SLC6A11: variants seen among roughly 807,000 people sequenced by gnomAD.
SLC6A11 encodes the protein solute carrier family 6 member 11, also known as sodium- and chloride-dependent GABA transporter 3.
SLC6A11 carries 25 observed loss-of-function variants against 74.8 expected under a neutral mutation model. The ratio of observed to expected loss-of-function variants is 0.33; its 90% CI spans 0.24 to 0.47. The LOEUF (loss-of-function observed/expected upper bound fraction) is 0.47. Ranked by LOEUF, SLC6A11 falls within the 20% of genes least tolerant of loss-of-function variation. The pLI, the probability that SLC6A11 is intolerant of heterozygous loss-of-function variation, is 1.00. For missense variants in SLC6A11, 574 were observed against 837.0 expected (o/e 0.69, Z 3.88); for synonymous variants, 330 against 330.2 (o/e 1.00, Z 0.01).
In SLC6A11 at chr3:10,816,593, C is replaced by G; in HGVS notation, c.256+72C>G. 1.4e-6 allele frequency: 2 copies of G among 1,403,978 alleles called. No individual in the cohort carries two copies. The highest frequency in any genetic ancestry group is 1.9e-6 in the Non-Finnish European group (2 of 1,057,606). 87.0% of individuals were successfully genotyped at this position (1,403,978 alleles called of 1,614,324 possible). On this transcript the variant is annotated intron_variant, in intron 1 of 13. Transcript: ENST00000254488. The surrounding 1 kb of genome is among the most constrained non-coding windows in gnomAD (Gnocchi z 4.2). ...GGGGGCGGGGAGCCAGGGGCGAGCG[C>G]GAGACCCCCTCCCGCGCCTGCGTGG...
chr3:10,886,254 C>T (rs1172205441), intron 6 of SLC6A11, among the ~76,000 whole-genome samples: 11 of 152,214 alleles, frequency 7.2e-5, no homozygotes, highest in Admixed American at 7.2e-4. Flanking sequence ...CAGAGATCGA[C>T]TCCCTTGCTC....
chr3:10,918,875 T>C lies in SLC6A11; in HGVS notation c.1120+422T>C, dbSNP rs1312902227. On this transcript the variant is annotated intron_variant, in intron 8 of 13. Coordinates refer to ENST00000254488, the MANE Select transcript of SLC6A11 (RefSeq NM_014229.3). This position sits in a 1 kb window ranked among gnomAD's most constrained non-coding sequence, Gnocchi z 4.5. Reference sequence around the variant, plus strand: ...GCAAATTTGAACATGTCTTCTCTGATGAAAAGCCTTTCTTGGCTTCTCATA... The same window carrying C: ...GCAAATTTGAACATGTCTTCTCTGACGAAAAGCCTTTCTTGGCTTCTCATA... Among the ~76,000 whole-genome samples, 1 of 152,080 alleles carries C rather than the reference T, an allele frequency of 6.6e-6. No individual in the cohort carries two copies. Among genetic ancestry groups the C allele is most frequent in the African/African-American group, 2.4e-5 (1 of 41,398 alleles).
At chr3:10,913,767 C>T (rs376809170) in intron 7 of SLC6A11, among the ~76,000 whole-genome samples, 1 of 152,204 alleles carries the variant, frequency 6.6e-6, no homozygotes, top group Non-Finnish European at 1.5e-5. Context: ...GATCTCGGCT[C>T]ACTACAAGCT....
At chr3:10,894,286 T>C (rs934953921) in intron 6 of SLC6A11, among the ~76,000 whole-genome samples, 5 of 152,110 alleles carry the variant, frequency 3.3e-5, no homozygotes, top group Non-Finnish European at 7.4e-5. Context: ...GGAGAGGCAA[T>C]GTGAGCAGGT....
chr3:10,854,266 G>A (rs1481071402), intron 5 of SLC6A11, among the ~76,000 whole-genome samples: 3 of 152,176 alleles, frequency 2.0e-5, no homozygotes, highest in Non-Finnish European at 2.9e-5. Context: ...GTGCATGCCT[G>A]TAGTCCCAGC....
Position 10,935,196 on chromosome 3 carries a change from C to G in SLC6A11, c.1743C>G (p.Pro581=), listed in dbSNP as rs757407323. 7.4e-6 allele frequency: 12 copies of G among 1,613,928 alleles called. No homozygotes were observed. In the Admixed American group the frequency reaches 1.8e-4, roughly 25 times the overall value. ...TGTGGAAGACGGAGGGGACACTGCC[C>G]GAGGTGAGACCGCCCCAGGAGGGCT... ...ITVWKTEGTL[P]EKLQKLTTPS... Residue 581 remains proline (P), a synonymous_variant, in exon 13 of 14, where the codon CCC becomes CCG. Coordinates refer to ENST00000254488, the MANE Select transcript of SLC6A11 (RefSeq NM_014229.3).
intron 6 of SLC6A11, among the ~76,000 whole-genome samples, chr3:10,894,009 T>C (rs1417406458): frequency 1.3e-5 from 2 of 152,204 alleles, no homozygotes; most frequent in Admixed American, 6.5e-5. Flanking sequence ...TCCCTCACAG[T>C]GGCTTTGCCC....
At chr3:10,922,791 T>C (rs1353507116) in intron 8 of SLC6A11, among the ~76,000 whole-genome samples, 1 of 152,122 alleles carries the variant, frequency 6.6e-6, no homozygotes, top group Non-Finnish European at 1.5e-5. Context: ...ACTGTCACCA[T>C]GCTAAAGGGA....
rs1694436821 is a variant in SLC6A11, at chr3:10,841,474, CTAGT to C, written c.624-2737_624-2734del. Among the ~76,000 whole-genome samples, 6 of 152,290 alleles carry C rather than the reference CTAGT, an allele frequency of 3.9e-5. No individual in the cohort carries two copies. In the South Asian group the frequency reaches 1.2e-3, roughly 32 times the overall value. On this transcript the variant is annotated intron_variant, in intron 4 of 13. Transcript: ENST00000254488. ...TCCTTTGGAAACCAAAGGTCTGTTC[CTAGT>C]TAAAGTCAGCGTTGGTAAAACCTAA...
At chr3:10,869,322 G>C (rs995791017) in intron 5 of SLC6A11, among the ~76,000 whole-genome samples, 1 of 152,160 alleles carries the variant, frequency 6.6e-6, no homozygotes, top group African/African-American at 2.4e-5. Context: ...CAGACAGTGT[G>C]GTTTATGAGG....
At chr3:10,870,774 T>C (rs1037239191) in intron 5 of SLC6A11, among the ~76,000 whole-genome samples, 1 of 152,180 alleles carries the variant, frequency 6.6e-6, no homozygotes, top group African/African-American at 2.4e-5. Context: ...TAATGATGCC[T>C]CTAAGCCACC....
At chr3:10,845,761 T>G (rs2343246) in intron 5 of SLC6A11, among the ~76,000 whole-genome samples, 49,197 of 152,106 alleles carry the variant, frequency 0.32, 8,199 homozygotes, top group South Asian at 0.51. Context: ...TCATGTTCCT[T>G]CAGCCAAGGT....
intron 5 of SLC6A11, among the ~76,000 whole-genome samples, chr3:10,870,125 A>C (rs1327991206): frequency 6.6e-6 from 1 of 152,164 alleles, no homozygotes; most frequent in Non-Finnish European, 1.5e-5. Flanking sequence ...GCTCCAGCCC[A>C]TGTTCACAGA....
intron 5 of SLC6A11, among the ~76,000 whole-genome samples, chr3:10,868,217 C>T (rs1466198846): frequency 6.6e-6 from 1 of 152,142 alleles, no homozygotes; most frequent in Non-Finnish European, 1.5e-5. Flanking sequence ...TTTTGTGGTC[C>T]TAGGTTCTTG....
chr3:10,844,826 G>A (rs1694483087), intron 5 of SLC6A11, among the ~76,000 whole-genome samples: 1 of 152,182 alleles, frequency 6.6e-6, no homozygotes. Context: ...GCCTTGCTGT[G>A]CCACCTGTAC....
intron 7 of SLC6A11, among the ~76,000 whole-genome samples, chr3:10,916,275 G>A (rs1246538528): frequency 1.3e-5 from 2 of 152,198 alleles, no homozygotes; most frequent in Non-Finnish European, 2.9e-5. Context: ...ACTTATACCA[G>A]CCCAGCCAGC....
intron 5 of SLC6A11, among the ~76,000 whole-genome samples, chr3:10,846,988 A>G (rs986109092): frequency 6.6e-6 from 1 of 152,180 alleles, no homozygotes; most frequent in African/African-American, 2.4e-5. Flanking sequence ...TCTCTGGTAG[A>G]AGTGGTAGTG....
intron 7 of SLC6A11, among the ~76,000 whole-genome samples, chr3:10,913,580 G>A (rs557944061): frequency 5.3e-5 from 8 of 152,190 alleles, no homozygotes; most frequent in African/African-American, 1.9e-4. Flanking sequence ...TAAGATTAAC[G>A]AGCATCCCAA....
At chr3:10,882,469 T>C (rs551672129) in intron 6 of SLC6A11, among the ~76,000 whole-genome samples, 79 of 152,266 alleles carry the variant, frequency 5.2e-4, no homozygotes, top group African/African-American at 1.9e-3. Flanking sequence ...TGCATCACCG[T>C]TCTCCACCCA....
Sources: allele counts gnomAD v4.1 joint callset (sites outside exome capture counted in the v4.1 genomes callset), GRCh38; gene constraint gnomAD v4.1.1; non-coding constraint Gnocchi (gnomAD v3.1); transcripts MANE v1.5; gene names NCBI Gene and HGNC (gene_info 2026-07-23, HGNC 2026-07-21).